The following LINGO1 variants were observed in gnomAD, a reference collection of about 807,000 sequenced individuals.
LINGO1 encodes the protein leucine rich repeat and Ig domain containing 1, also known as leucine-rich repeat and immunoglobulin-like domain-containing nogo receptor-interacting protein 1.
Under a neutral mutation model 37.3 loss-of-function variants are expected in LINGO1, and 11 were observed. The ratio of observed to expected loss-of-function variants is 0.29; its 90% CI spans 0.19 to 0.49. The LOEUF (loss-of-function observed/expected upper bound fraction) is 0.49, where lower values mean the gene tolerates loss of function less well. Ranked by LOEUF, LINGO1 falls within the 20% of genes least tolerant of loss-of-function variation. The probability of loss-of-function intolerance (pLI) is 0.99; values close to 1 mark genes in which losing one functional copy is unlikely to be tolerated. For missense variants in LINGO1, 585 were observed against 878.2 expected, an observed-to-expected ratio of 0.67 and a Z score of 4.22; for synonymous variants, 387 against 403.0, an observed-to-expected ratio of 0.96 and a Z score of 0.48.
At chr15:77,805,426 C>T (rs1326346403) in intron 1 of LINGO1, among the ~76,000 whole-genome samples, 1 of 152,198 alleles carries the variant, frequency 6.6e-6, no homozygotes, top group African/African-American at 2.4e-5. Flanking sequence ...CTGAATGATA[C>T]CCCAGGTCCC....
At chr15:77,665,240 C>A (rs1178437390) in intron 3 of LINGO1, among the ~76,000 whole-genome samples, 1 of 152,236 alleles carries the variant, frequency 6.6e-6, no homozygotes, top group African/African-American at 2.4e-5. Flanking sequence ...CTTGCCCAAC[C>A]CTCAGCCTTC....
intron 1 of LINGO1, among the ~76,000 whole-genome samples, chr15:77,747,931 C>T (rs935750870): frequency 2.0e-4 from 30 of 152,328 alleles, no homozygotes; most frequent in African/African-American, 7.2e-4. Flanking sequence ...GTGTGTGCTG[C>T]GTGCCAGACA....
At chr15:77,777,201 T>C (rs571224325) in intron 1 of LINGO1, among the ~76,000 whole-genome samples, 2 of 152,296 alleles carry the variant, frequency 1.3e-5, no homozygotes, top group South Asian at 4.1e-4. Flanking sequence ...CAAATATTTA[T>C]GGTGCGGTCA....
intron 1 of LINGO1, among the ~76,000 whole-genome samples, chr15:77,808,142 T>C (rs78419412): frequency 0.032 from 4,797 of 151,820 alleles, 226 homozygotes; most frequent in African/African-American, 0.11. Context: ...AGATCCATTC[T>C]GTAAACCTCA....
At chr15:77,773,677 G>A (rs1256055083) in intron 1 of LINGO1, among the ~76,000 whole-genome samples, 1 of 152,170 alleles carries the variant, frequency 6.6e-6, no homozygotes, top group Non-Finnish European at 1.5e-5. Flanking sequence ...CTGATACACA[G>A]GCTCGAAGGC....
At chr15:77,732,667 C>T (rs1293684838) in intron 2 of LINGO1, among the ~76,000 whole-genome samples, 2 of 152,226 alleles carry the variant, frequency 1.3e-5, no homozygotes, top group Non-Finnish European at 2.9e-5. Flanking sequence ...GCAGAGCTTC[C>T]GGCCAAGGCT....
intron 2 of LINGO1, among the ~76,000 whole-genome samples, chr15:77,702,213 C>T (rs1468538468): frequency 6.6e-6 from 1 of 152,220 alleles, no homozygotes; most frequent in Non-Finnish European, 1.5e-5. Flanking sequence ...CACTAACACA[C>T]TGTTTCTTGG....
chr15:77,788,433 T>G (rs750826462), upstream of LINGO1: 3 of 152,200 alleles, frequency 2.0e-5, no homozygotes, highest in Admixed American at 6.5e-5. Context: ...CCAAAGGCCT[T>G]AGGGAAATTG....
chr15:77,636,706 T>G (rs1344339085), upstream of LINGO1, among the ~76,000 whole-genome samples: 9 of 151,990 alleles, frequency 5.9e-5, no homozygotes, highest in Admixed American at 5.9e-4. Flanking sequence ...GTCTCTAAGC[T>G]CAGGGCTCCT....
intron 1 of LINGO1, among the ~76,000 whole-genome samples, chr15:77,771,958 A>T (rs1165551322): frequency 1.3e-5 from 2 of 152,210 alleles, no homozygotes; most frequent in Non-Finnish European, 2.9e-5. Context: ...CCTGGCTCCA[A>T]GGTCTGGTAG....
In LINGO1 at chr15:77,630,495, A is replaced by G. The variant is rs185064303; in HGVS notation, c.6+1815T>C. ...TCTGGGTTTTAGAAAACAATACCCA[A>G]TATAGGAGAAATGGATGCCCAGAGG... On this transcript the variant is annotated intron_variant, in intron 1 of 1. Coordinates refer to ENST00000355300, the MANE Select transcript of LINGO1 (RefSeq NM_032808.7). 7.9e-5 allele frequency among the ~76,000 whole-genome samples: 12 copies of G among 152,252 alleles called. 1 individual carries two copies. Among genetic ancestry groups the G allele is most frequent in the Admixed American group, 7.2e-4 (11 of 15,304 alleles).
At chr15:77,738,164 C>T (rs2076221285) in intron 1 of LINGO1, among the ~76,000 whole-genome samples, 1 of 152,152 alleles carries the variant, frequency 6.6e-6, no homozygotes, top group African/African-American at 2.4e-5. Context: ...CTTCCCCCAG[C>T]TCCTCTGCCC....
intron 3 of LINGO1, chr15:77,646,382 C>T: frequency 2.2e-6 from 1 of 447,754 alleles, no homozygotes; most frequent in Non-Finnish European, 4.5e-6. Context: ...GGTCTTGTCC[C>T]CACAGGACAC....
At chr15:77,632,915 G>A (rs1034211611), upstream of LINGO1, among the ~76,000 whole-genome samples, 1 of 151,092 alleles carries the variant, frequency 6.6e-6, no homozygotes, top group Non-Finnish European at 1.5e-5. The surrounding 1 kb of genome is among the most constrained non-coding windows in gnomAD (Gnocchi z 6.0). Context: ...GGAGCACTAG[G>A]AGCGAGCCAG....
At chr15:77,741,703 T>G (rs561623211) in intron 1 of LINGO1, among the ~76,000 whole-genome samples, 1 of 152,204 alleles carries the variant, frequency 6.6e-6, no homozygotes, top group Non-Finnish European at 1.5e-5. Flanking sequence ...GCTTCCCCAG[T>G]GCAGTCCCCT....
At chr15:77,661,472 C>T (rs185826140) in intron 3 of LINGO1, among the ~76,000 whole-genome samples, 117 of 152,308 alleles carry the variant, frequency 7.7e-4, no homozygotes, top group Non-Finnish European at 4.9e-4. Context: ...CAGAGGCAGG[C>T]CTCTCTTTGG....
chr15:77,794,360 GTGTATATACATACGTATA>G (rs751038871), intron 2 of LINGO1, among the ~76,000 whole-genome samples: 890 of 75,664 alleles, frequency 0.012, 215 homozygotes, highest in Middle Eastern at 0.028. Context: ...ACGTATATAT[GTGTATATACATACGTATA>G]TGTATATACA....
At chr15:77,704,499 T>C (rs1418109937) in intron 2 of LINGO1, among the ~76,000 whole-genome samples, 1 of 151,192 alleles carries the variant, frequency 6.6e-6, no homozygotes, top group Non-Finnish European at 1.5e-5. Context: ...GGTCACAGAC[T>C]GAGTCCTGAC....
intron 3 of LINGO1, among the ~76,000 whole-genome samples, chr15:77,664,289 C>T (rs1256762287): frequency 1.3e-5 from 2 of 152,068 alleles, no homozygotes; most frequent in African/African-American, 4.8e-5. Context: ...TGGCCACTGT[C>T]ACTAATAGCT....
Sources: gnomAD v4.1 joint callset for allele counts (sites outside exome capture counted in the v4.1 genomes callset) on GRCh38, gnomAD v4.1.1 for gene constraint, Gnocchi (gnomAD v3.1) non-coding constraint, MANE v1.5 for transcripts, NCBI Gene and HGNC (gene_info 2026-07-23, HGNC 2026-07-21) for gene names.